Variants in MEIOSIN observed in about 807,000 individuals in gnomAD.
The protein encoded by MEIOSIN is meiosis initiator, also known as meiosis initiator protein.
In MEIOSIN, 18 loss-of-function variants were observed where a neutral mutation model predicts 23.4. That is an observed-to-expected ratio of 0.77 (90% CI 0.53 to 1.14). The LOEUF (loss-of-function observed/expected upper bound fraction) is 1.14, where lower values mean the gene tolerates loss of function less well. Ranked by LOEUF, MEIOSIN falls within the 50% of genes most tolerant of loss-of-function variation. The pLI is 0.00. For synonymous variants in MEIOSIN, 187 were observed against 100.6 expected, an observed-to-expected ratio of 1.86 and a Z score of -5.14; for missense variants, 428 against 242.9, an observed-to-expected ratio of 1.76 and a Z score of -5.07.
At chr19:45,736,994 G>A (rs1230487296) in intron 2 of MEIOSIN, among the ~76,000 whole-genome samples, 1 of 151,106 alleles carries the variant, frequency 6.6e-6, no homozygotes, top group Non-Finnish European at 1.5e-5. Flanking sequence ...TCAGCCTCCC[G>A]AGTAGCTGAG....
intron 9 of MEIOSIN, among the ~76,000 whole-genome samples, chr19:45,758,597 T>C (rs1300517483): frequency 6.6e-6 from 1 of 151,626 alleles, no homozygotes; most frequent in Admixed American, 6.6e-5. Flanking sequence ...CCCAGCTAAG[T>C]TTTGTATTTT....
At chr19:45,761,216 C>T (rs1277667352) in intron 11 of MEIOSIN, among the ~76,000 whole-genome samples, 1 of 151,576 alleles carries the variant, frequency 6.6e-6, no homozygotes, top group East Asian at 1.9e-4. Flanking sequence ...CCTCCGCCTC[C>T]TGGATTTAAG....
Position 45,753,942 on chromosome 19 carries a change from C to T in MEIOSIN, c.556+154C>T, listed in dbSNP as rs377711149. Among the ~76,000 whole-genome samples the T allele has an allele frequency of 4.6e-5, 7 of 152,260 alleles. No homozygotes were observed. The East Asian group carries it at 5.8e-4, about 13-fold the overall frequency. On this transcript the variant is annotated intron_variant, in intron 6 of 14. Transcript: ENST00000457052. ...CTTGTATTAGCACTGAGGCCTCACA[C>T]CCGGAAACTTGGGGTTCACTGGTCT...
chr19:45,744,742 G>A (rs1968562416), intron 3 of MEIOSIN, among the ~76,000 whole-genome samples: 2 of 152,102 alleles, frequency 1.3e-5, no homozygotes, highest in Non-Finnish European at 2.9e-5. Flanking sequence ...CAAAGTGCTG[G>A]GATGACAGGC....
chr19:45,759,584 C>A, intron 11 of MEIOSIN, 94 bp downstream of exon 11: 1 of 673,924 alleles, frequency 1.5e-6, no homozygotes, highest in Non-Finnish European at 2.7e-6. Context: ...CTCCCTCACC[C>A]TTTCAGCCAC....
intron 13 of MEIOSIN, among the ~76,000 whole-genome samples, 188 bp downstream of exon 13, chr19:45,762,371 T>C (rs1176991541): frequency 6.6e-6 from 1 of 152,144 alleles, no homozygotes. Flanking sequence ...GGTCCATCCA[T>C]TGTCAGCGCT....
At position 45,739,770 on chromosome 19, in the gene MEIOSIN, G is replaced by A. The variant is rs1395475367; in HGVS notation, c.176+40G>A. 3 of 702,922 alleles carry A rather than the reference G, an allele frequency of 4.3e-6. No homozygotes were observed. In the Admixed American group the frequency reaches 6.0e-5, roughly 14 times the overall value. The allele number at this position is 702,922 out of a possible 1,614,324, so 43.5% of individuals were successfully genotyped here. Reference sequence around the variant, plus strand: ...AAAGGGGGGATTGGATGTTGGCCAAGCAAAAACATAGCCCATTGTTCAACA... The same window carrying A: ...AAAGGGGGGATTGGATGTTGGCCAAACAAAAACATAGCCCATTGTTCAACA... On this transcript the variant is annotated intron_variant, in intron 3 of 14. Transcript: ENST00000457052.
At chr19:45,745,353 G>A (rs1186693352) in intron 4 of MEIOSIN, 32 bp downstream of exon 4, 1 of 693,616 alleles carries the variant, frequency 1.4e-6, no homozygotes. Flanking sequence ...GGCCAGATTT[G>A]GGACGCAGGT....
chr19:45,735,483 C>T, intron 2 of MEIOSIN, 36 bp downstream of exon 2: 1 of 684,430 alleles, frequency 1.5e-6, no homozygotes, highest in Non-Finnish European at 2.7e-6. Context: ...TAGCCCCAGC[C>T]ACTCTCATTG....
Position 45,754,502 on chromosome 19 carries a change from C to T in MEIOSIN, c.580C>T (p.Pro194Ser), listed in dbSNP as rs1184116309. The T allele has an allele frequency of 2.8e-6, 2 of 702,796 alleles. No homozygotes were observed. The highest frequency in any genetic ancestry group is 5.2e-6 in the Non-Finnish European group (2 of 384,948). 43.5% of individuals were successfully genotyped at this position (702,796 alleles called of 1,614,324 possible). ...AGAAAGCCAGACTCGGACCCCGAAG[C>T]CTCGCCGCTCTCTGGCCCTGAACAA... ...ASESQTRTPK[P>S]RRSLALNKPE... Residue 194 changes from proline (P) to serine (S), a missense_variant, in exon 7 of 15, where the codon CCT (proline) becomes TCT (serine). Pro to Ser is a moderately conservative substitution (Grantham distance 74). Coordinates refer to ENST00000457052, the MANE Select transcript of MEIOSIN (RefSeq NM_001310124.2).
At chr19:45,745,070 C>T in intron 3 of MEIOSIN, 122 bp from the exon 4 acceptor site, 1 of 646,480 alleles carries the variant, frequency 1.5e-6, no homozygotes, top group South Asian at 1.8e-5. Context: ...GGATTCTGTC[C>T]TCGGTGTCCA....
In MEIOSIN at chr19:45,750,737, CA is replaced by C; in HGVS notation, c.371del (p.Lys124ArgfsTer58). Reference protein sequence around the residue: ...QYLQRNIDAAKALFKCHITTG... With the variant: ...QYLQRNIDAAXALFKCHITTG... Reference sequence around the variant, plus strand: ...ACCTCCAGAGAAACATCGATGCCGCCAAGGCCTTGTTCAAATGCCACATCAC... The same window carrying C: ...ACCTCCAGAGAAACATCGATGCCGCCAGGCCTTGTTCAAATGCCACATCAC... On this transcript the variant is annotated frameshift_variant, in exon 5 of 15. Transcript: ENST00000457052. LOFTEE classifies it high-confidence loss of function. 3.1e-6 allele frequency: 2 copies of C among 646,128 alleles called. No homozygotes were observed. Among genetic ancestry groups the C allele is most frequent in the Non-Finnish European group, 5.5e-6 (2 of 362,432 alleles). The allele number at this position is 646,128 out of a possible 1,614,324, so 40.0% of individuals were successfully genotyped here.
Position 45,733,860 on chromosome 19 carries a change from G to T in MEIOSIN, c.-1+194G>T, listed in dbSNP as rs1238787063. Among the ~76,000 whole-genome samples, 5 of 152,168 alleles carry T rather than the reference G, an allele frequency of 3.3e-5. No homozygotes were observed. In the South Asian group the frequency reaches 8.3e-4, roughly 25 times the overall value. The stretch of plus-strand genomic sequence containing the variant: ...AAGCCGGGGGTCCAGGTTCGAGTTT[G>T]AGGAACGGAAGACTCTGTTTGTGTT... On this transcript the variant is annotated intron_variant, in intron 1 of 14. Coordinates refer to ENST00000457052, the MANE Select transcript of MEIOSIN (RefSeq NM_001310124.2). The surrounding 1 kb of genome is among the most constrained non-coding windows in gnomAD (Gnocchi z 5.7).
At chr19:45,753,396 A>G (rs891358563) in intron 5 of MEIOSIN, among the ~76,000 whole-genome samples, 1 of 152,122 alleles carries the variant, frequency 6.6e-6, no homozygotes, top group Non-Finnish European at 1.5e-5. Flanking sequence ...CAAGGTGCCC[A>G]GTCTGGGGAA....
At chr19:45,760,764 A>G (rs1968921438) in intron 11 of MEIOSIN, among the ~76,000 whole-genome samples, 1 of 151,718 alleles carries the variant, frequency 6.6e-6, no homozygotes, top group Non-Finnish European at 1.5e-5. Flanking sequence ...CCCCCTCTCT[A>G]CTAAAAATAC....
chr19:45,763,306 C>G (rs1331159173), intron 13 of MEIOSIN, 32 bp from the exon 14 acceptor site: 2 of 398,610 alleles, frequency 5.0e-6, no homozygotes. Context: ...TCCTGCAGAC[C>G]TCTCCTTACC....
At position 45,754,556 on chromosome 19, in the gene MEIOSIN, G is replaced by A. The variant is rs1386600829; in HGVS notation, c.634G>A (p.Asp212Asn). The A allele has an allele frequency of 2.8e-6, 2 of 703,052 alleles. No individual in the cohort carries two copies. The highest frequency in any genetic ancestry group is 5.2e-6 in the Non-Finnish European group (2 of 385,024). 43.6% of individuals were successfully genotyped at this position (703,052 alleles called of 1,614,324 possible). A position where few individuals can be genotyped will look rare whatever the true frequency, so the allele number is the denominator to read the frequency against. The change falls in exon 7 of 15, where the codon GAC becomes AAC. Residue 212 changes from aspartate to asparagine, a missense_variant. Asp to Asn is a conservative substitution (Grantham distance 23). Transcript: ENST00000457052. ...TGAGAAGCTGGTGGCCCCATCCCCA[G>A]ACCAGAAAGGAAGTGGCACAGGGGG... is the stretch of plus-strand genomic sequence containing the variant. ...KPEKLVAPSPDQKGSGTGGTT... is the reference protein window; with the variant it reads ...KPEKLVAPSPNQKGSGTGGTT...
At chr19:45,758,751 G>T (rs7246196) in intron 9 of MEIOSIN, 127 bp from the exon 10 acceptor site, 2 of 608,260 alleles carry the variant, frequency 3.3e-6, no homozygotes, top group Non-Finnish European at 3.0e-6. Flanking sequence ...CTGTGATCAA[G>T]AATTCAAAAT....
rs1428238757 is a variant in MEIOSIN, at chr19:45,753,777, C to T, written c.545C>T (p.Thr182Ile). 1.4e-6 allele frequency: 1 copy of T among 702,392 alleles called. No individual in the cohort carries two copies. Among genetic ancestry groups the T allele is most frequent in the South Asian group, 1.5e-5 (1 of 67,550 alleles). The allele number at this position is 702,392 out of a possible 1,614,324, so 43.5% of individuals were successfully genotyped here. A position where few individuals can be genotyped will look rare whatever the true frequency, so the allele number is the denominator to read the frequency against. Residue 182 changes from threonine to isoleucine, a missense_variant, in exon 6 of 15, where the codon ACC becomes ATC. Physicochemically the swap from Thr to Ile is moderately conservative, Grantham distance 89. Coordinates refer to ENST00000457052, the MANE Select transcript of MEIOSIN (RefSeq NM_001310124.2). Reference protein sequence around the residue: ...ACQKPRKKKLTQASESQTRTP... With the variant: ...ACQKPRKKKLIQASESQTRTP... ...CAGAAGCCTCGGAAGAAGAAGCTGA[C>T]CCAGGCATCAGGTACAAGCTGTCAC...
Sources: gnomAD v4.1 joint callset for allele counts (sites outside exome capture counted in the v4.1 genomes callset) on GRCh38, gnomAD v4.1.1 for gene constraint, Gnocchi (gnomAD v3.1) non-coding constraint, MANE v1.5 for transcripts, NCBI Gene and HGNC (gene_info 2026-07-23, HGNC 2026-07-21) for gene names.